Variants in TBC1D20 observed in about 807,000 individuals in gnomAD.
TBC1D20 encodes the protein chromosome 20 open reading frame 140.
A neutral mutation model predicts 41.6 loss-of-function variants in TBC1D20; 12 were observed. That is an observed-to-expected ratio of 0.29 (90% CI 0.18 to 0.47). The LOEUF is 0.47. Ranked by LOEUF, TBC1D20 falls within the 20% of genes least tolerant of loss-of-function variation. The probability of loss-of-function intolerance (pLI) is 1.00; values close to 1 mark genes in which losing one functional copy is unlikely to be tolerated. For synonymous variants in TBC1D20, 205 were observed against 204.8 expected (o/e 1.00, Z -0.01); for missense variants, 421 against 517.4 (o/e 0.81, Z 1.81).
chr20:452,135 C>T (rs418400), intron 1 of TBC1D20, among the ~76,000 whole-genome samples: 66,278 of 151,798 alleles, frequency 0.44, 14,705 homozygotes, highest in Middle Eastern at 0.49. Context: ...GAGGAAACCC[C>T]GTCTCTACTA....
rs753314337 is a variant in TBC1D20 at position 438,616 on chromosome 20, G to C, written c.1182C>G (p.Ala394=). The C allele has an allele frequency of 6.2e-7, 1 of 1,614,032 alleles. No homozygotes were observed. The highest frequency in any genetic ancestry group is 1.3e-5 in the African/African-American group (1 of 74,918). The part of the protein sequence containing the change: ...LAVVKSALEW[A]PKFQLQLFP ...GAAACAGCTGCAGCTGAAACTTAGGGGCCCATTCCAGGGCACTTTTCACCA... is the reference window on the plus strand; with the variant it reads ...GAAACAGCTGCAGCTGAAACTTAGGCGCCCATTCCAGGGCACTTTTCACCA... The change falls in exon 8 of 8, where the codon GCC becomes GCG. Residue 394 remains alanine, a synonymous_variant. Coordinates refer to ENST00000354200, the MANE Select transcript of TBC1D20 (RefSeq NM_144628.4).
At chr20:453,149 G>C (rs763604069) in intron 1 of TBC1D20, among the ~76,000 whole-genome samples, 1 of 64,952 alleles carries the variant, frequency 1.5e-5, no homozygotes, top group Non-Finnish European at 2.6e-5. Context: ...GCGAAACTCC[G>C]TTTCAAAAAA....
chr20:443,468 A>G (rs1213927915), intron 3 of TBC1D20, among the ~76,000 whole-genome samples: 3 of 152,232 alleles, frequency 2.0e-5, no homozygotes, highest in African/African-American at 7.2e-5. Context: ...AGTTACAAAC[A>G]CATACTCAGA....
At chr20:454,644 G>A (rs557794318) in intron 1 of TBC1D20, among the ~76,000 whole-genome samples, 1 of 139,192 alleles carries the variant, frequency 7.2e-6, no homozygotes, top group East Asian at 2.0e-4. Flanking sequence ...CTATGACAAA[G>A]CTGTACATTA....
In TBC1D20 at chr20:447,945, C is replaced by A. The variant is rs774167151; in HGVS notation, c.200G>T (p.Arg67Leu). 6.2e-7 allele frequency: 1 copy of A among 1,614,120 alleles called. No individual in the cohort carries two copies. The highest frequency in any genetic ancestry group is 8.5e-7 in the Non-Finnish European group (1 of 1,180,028). ...ATTGAGGAGCTTGGGCCACACTTTTCGTCTGATCTCATCAGTCAGGAGCCC... is the reference window on the plus strand; with the variant it reads ...ATTGAGGAGCTTGGGCCACACTTTTAGTCTGATCTCATCAGTCAGGAGCCC... The part of the protein sequence containing the change: ...EGGLLTDEIR[R>L]KVWPKLLNVN... The change falls in exon 2 of 8, where the codon CGA becomes CTA. Residue 67 changes from arginine to leucine, a missense_variant. Around this residue, in one of 3 missense-constraint regions of TBC1D20, gnomAD observed 150 missense variants for 151.3 expected, o/e 0.99. Transcript: ENST00000354200.
At chr20:456,308 T>G (rs900606133) in intron 1 of TBC1D20, among the ~76,000 whole-genome samples, 2 of 152,068 alleles carry the variant, frequency 1.3e-5, no homozygotes, top group African/African-American at 4.8e-5. Flanking sequence ...GTTCATGAGA[T>G]GTGTCAAGCT....
At chr20:438,990 G>A in intron 7 of TBC1D20, 118 bp downstream of exon 7, 1 of 1,462,272 alleles carries the variant, frequency 6.8e-7, no homozygotes, top group South Asian at 1.3e-5. Flanking sequence ...GGATTCCACT[G>A]GCCTAAGCTC....
chr20:458,349 T>C (rs910420565), intron 1 of TBC1D20, among the ~76,000 whole-genome samples: 9 of 151,592 alleles, frequency 5.9e-5, no homozygotes, highest in Non-Finnish European at 1.2e-4. Flanking sequence ...GGTCTTACTC[T>C]GTCACCCAGG....
At chr20:452,326 A>C (rs185319108) in intron 1 of TBC1D20, among the ~76,000 whole-genome samples, 2 of 151,964 alleles carry the variant, frequency 1.3e-5, no homozygotes, top group East Asian at 3.9e-4. Context: ...AACAAACAAA[A>C]AAAAGTGTAC....
intron 1 of TBC1D20, among the ~76,000 whole-genome samples, chr20:450,429 A>G (rs1186305438): frequency 6.6e-6 from 1 of 151,972 alleles, no homozygotes; most frequent in Non-Finnish European, 1.5e-5. Flanking sequence ...TACAAGCGTG[A>G]GCCACCACGC....
intron 1 of TBC1D20, among the ~76,000 whole-genome samples, chr20:461,375 T>C (rs1325715459): frequency 1.3e-5 from 2 of 152,234 alleles, no homozygotes; most frequent in Non-Finnish European, 2.9e-5. Flanking sequence ...TTACTTATTA[T>C]TATTATTGAG....
At position 438,783 on chromosome 20, in the gene TBC1D20, T is replaced by C. The variant is rs1159254481; in HGVS notation, c.1015A>G (p.Met339Val). The C allele has an allele frequency of 3.7e-6, 6 of 1,614,166 alleles. No individual in the cohort carries two copies. Among genetic ancestry groups the C allele is most frequent in the Admixed American group, 3.3e-5 (2 of 60,022 alleles). The change falls in exon 8 of 8, where the codon ATG becomes GTG. Residue 339 changes from methionine (M) to valine (V), a missense_variant. Around this residue, in one of 3 missense-constraint regions of TBC1D20, gnomAD observed 161 missense variants for 182.7 expected, o/e 0.88. Transcript: ENST00000354200. ...ELASAQQRPD[M>V]VLRQRFRGLL... ...CCCCGAAACCGCTGCCGCAGCACCA[T>C]ATCAGGCCTCTGCTGGGCTGATGCC...
chr20:438,028 G>A lies in TBC1D20; in HGVS notation c.*558C>T, dbSNP rs1029230749. The A allele has an allele frequency of 6.5e-6, 1 of 153,484 alleles. No individual in the cohort carries two copies. Among genetic ancestry groups the A allele is most frequent in the Non-Finnish European group, 1.5e-5 (1 of 68,842 alleles). 9.5% of individuals were successfully genotyped at this position (153,484 alleles called of 1,614,324 possible). On this transcript the variant is annotated 3_prime_UTR_variant, in exon 8 of 8. Transcript: ENST00000354200. The stretch of plus-strand genomic sequence containing the variant: ...TAGGTAGGATTTAACGAGTAACCTA[G>A]TTCCCTTCTGTCTCTGATTTCTGAT...
At chr20:456,818 G>A (rs284912) in intron 1 of TBC1D20, among the ~76,000 whole-genome samples, 75,260 of 151,810 alleles carry the variant, frequency 0.5, 19,036 homozygotes, top group South Asian at 0.55. Flanking sequence ...TGCCTGCCTC[G>A]GCCTCCCAAA....
chr20:461,704 C>CA (rs1431339309), intron 1 of TBC1D20, among the ~76,000 whole-genome samples: 1 of 152,204 alleles, frequency 6.6e-6, no homozygotes, highest in East Asian at 1.9e-4. Context: ...TGGCAGAAGA[C>CA]AGACAGAAAG....
intron 2 of TBC1D20, among the ~76,000 whole-genome samples, 172 bp from the exon 3 acceptor site, chr20:445,302 A>G (rs888711395): frequency 2.0e-4 from 30 of 152,194 alleles, no homozygotes; most frequent in Non-Finnish European, 3.8e-4. Flanking sequence ...GGTTCCAAAC[A>G]TTATGTTTCC....
chr20:462,202 C>CCT lies in TBC1D20; in HGVS notation c.70+132_70+133dup, dbSNP rs60857452. On this transcript the variant is annotated intron_variant, in intron 1 of 7. Coordinates refer to ENST00000354200, the MANE Select transcript of TBC1D20 (RefSeq NM_144628.4). ...ACGTGCCCTGGGCCCTCAGCCTGTT[C>CCT]CTCTCGCCGCCCGGAACCCCGCAGC... 0.19 allele frequency: 74,946 copies of CCT among 384,624 alleles called. 9,847 individuals are homozygous for CCT. Among genetic ancestry groups the CCT allele is most frequent in the African/African-American group, 0.46 (20,681 of 45,412 alleles). 23.8% of individuals were successfully genotyped at this position (384,624 alleles called of 1,614,324 possible).
chr20:447,034 C>G (rs938569992), intron 2 of TBC1D20, among the ~76,000 whole-genome samples: 5 of 150,770 alleles, frequency 3.3e-5, no homozygotes, highest in Non-Finnish European at 7.4e-5. Context: ...ACTGCAACCT[C>G]CACCTTCCAG....
chr20:441,665 GT>G lies in TBC1D20; in HGVS notation c.548del (p.Asp183AlafsTer7). On this transcript the variant is annotated frameshift_variant, in exon 5 of 8. Coordinates refer to ENST00000354200, the MANE Select transcript of TBC1D20 (RefSeq NM_144628.4). LOFTEE classifies it high-confidence loss of function. ...GATAGTTTAATATATGCTTGGTGTT[GT>G]CCATTGTTGGATCCATAAAATCCCT... Reference protein sequence around the residue: ...HLRDFMDPTMDNTKHILNYLM... With the variant: ...HLRDFMDPTMXNTKHILNYLM... 2.5e-6 allele frequency: 4 copies of G among 1,614,126 alleles called. No homozygotes were observed. The highest frequency in any genetic ancestry group is 2.5e-6 in the Non-Finnish European group (3 of 1,180,018).
Sources: allele counts gnomAD v4.1 joint callset (sites outside exome capture counted in the v4.1 genomes callset), GRCh38; gene constraint gnomAD v4.1.1; regional missense constraint gnomAD v4.1.1; transcripts MANE v1.5; gene names NCBI Gene and HGNC (gene_info 2026-07-23, HGNC 2026-07-21).